PXDNL: variants seen among roughly 807,000 people sequenced by gnomAD.
The protein encoded by PXDNL is probable oxidoreductase PXDNL.
In PXDNL, 145 loss-of-function variants were observed where a neutral mutation model predicts 150.8. The ratio of observed to expected loss-of-function variants is 0.96; its 90% CI spans 0.84 to 1.10. The LOEUF is 1.10. Ranked by LOEUF, PXDNL falls within the 50% of genes least tolerant of loss-of-function variation. The probability of loss-of-function intolerance (pLI) is 0.00; values close to 1 mark genes in which losing one functional copy is unlikely to be tolerated. For synonymous variants in PXDNL, 757 were observed against 725.7 expected, an observed-to-expected ratio of 1.04 and a Z score of -0.69; for missense variants, 2,087 against 1,873.9, an observed-to-expected ratio of 1.11 and a Z score of -2.10.
At chr8:51,494,829 T>A (rs1811005995) in intron 5 of PXDNL, among the ~76,000 whole-genome samples, 2 of 151,768 alleles carry the variant, frequency 1.3e-5, no homozygotes, top group South Asian at 4.2e-4. Flanking sequence ...ACAATAATAA[T>A]GGGAGACTTT....
intron 21 of PXDNL, among the ~76,000 whole-genome samples, chr8:51,328,183 C>T (rs921588261): frequency 2.0e-5 from 3 of 152,236 alleles, no homozygotes; most frequent in Non-Finnish European, 4.4e-5. Context: ...ATCAGCTGTC[C>T]TGGGTCTTCA....
At chr8:51,427,386 A>G (rs989082993) in intron 12 of PXDNL, among the ~76,000 whole-genome samples, 2 of 152,126 alleles carry the variant, frequency 1.3e-5, no homozygotes, top group African/African-American at 2.4e-5. Flanking sequence ...AATACTTCCC[A>G]ACTCCTTTTG....
intron 1 of PXDNL, among the ~76,000 whole-genome samples, chr8:51,702,787 C>T (rs1816283544): frequency 6.6e-6 from 1 of 152,022 alleles, no homozygotes; most frequent in South Asian, 2.1e-4. Flanking sequence ...GGTCTAAGTA[C>T]ATCAATGGCC....
intron 1 of PXDNL, among the ~76,000 whole-genome samples, chr8:51,665,976 T>TTA (rs1227164738): frequency 1.3e-5 from 2 of 152,226 alleles, no homozygotes; most frequent in African/African-American, 2.4e-5. Flanking sequence ...TTTAGTGACT[T>TTA]ATTTAACATT....
intron 3 of PXDNL, among the ~76,000 whole-genome samples, chr8:51,563,661 CA>C (rs1261993486): frequency 8.6e-5 from 13 of 151,884 alleles, no homozygotes; most frequent in Non-Finnish European, 1.8e-4. Flanking sequence ...GAATGAGGTC[CA>C]AAATAATAAC....
intron 1 of PXDNL, among the ~76,000 whole-genome samples, chr8:51,713,203 T>C (rs1044611026): frequency 6.6e-6 from 1 of 152,254 alleles, no homozygotes; most frequent in Non-Finnish European, 1.5e-5. Flanking sequence ...AGGAAGTATT[T>C]ATAATATCAG....
At chr8:51,661,695 C>A (rs933746884) in intron 1 of PXDNL, among the ~76,000 whole-genome samples, 9 of 152,162 alleles carry the variant, frequency 5.9e-5, no homozygotes, top group Non-Finnish European at 1.2e-4. Context: ...ACACGCACAT[C>A]GCCTGCTCCC....
At chr8:51,745,364 A>C (rs957489164) in intron 1 of PXDNL, among the ~76,000 whole-genome samples, 2 of 152,246 alleles carry the variant, frequency 1.3e-5, no homozygotes, top group African/African-American at 4.8e-5. Context: ...TCAATCCAAC[A>C]AACAAATAAC....
chr8:51,384,348 GT>G (rs994010140), intron 17 of PXDNL, among the ~76,000 whole-genome samples: 3 of 150,834 alleles, frequency 2.0e-5, no homozygotes, highest in African/African-American at 7.4e-5. Context: ...TAATCTTATG[GT>G]TACCAGCACT....
At position 51,339,539 on chromosome 8, in the gene PXDNL, T is replaced by C. The variant is rs1805928783; in HGVS notation, c.4146+85A>G. 5 of 1,312,600 alleles carry C rather than the reference T, an allele frequency of 3.8e-6. No homozygotes were observed. In the Admixed American group the frequency reaches 8.4e-5, roughly 22 times the overall value. The allele number at this position is 1,312,600 out of a possible 1,614,324, so 81.3% of individuals were successfully genotyped here. ...TTATTATTCTGATACTGTGCTGTAA[T>C]TGTGGAGAGTTACTGGACAAATCTT... On this transcript the variant is annotated intron_variant, in intron 21 of 22. Coordinates refer to ENST00000356297, the MANE Select transcript of PXDNL (RefSeq NM_144651.5).
intron 7 of PXDNL, among the ~76,000 whole-genome samples, chr8:51,473,187 C>T (rs992336868): frequency 1.7e-4 from 26 of 151,248 alleles, no homozygotes; most frequent in Non-Finnish European, 2.5e-4. Context: ...CCAGACAAGG[C>T]GCTAGGACTA....
intron 1 of PXDNL, among the ~76,000 whole-genome samples, chr8:51,755,440 G>T (rs1447494501): frequency 1.3e-5 from 2 of 151,816 alleles, no homozygotes; most frequent in Non-Finnish European, 2.9e-5. Flanking sequence ...GATTACAGGC[G>T]CCCACCACCA....
At chr8:51,388,106 T>C (rs759085465) in intron 17 of PXDNL, among the ~76,000 whole-genome samples, 12 of 152,170 alleles carry the variant, frequency 7.9e-5, no homozygotes, top group Non-Finnish European at 1.5e-4. Context: ...TAATGTGCTC[T>C]TTAAAATTTG....
intron 1 of PXDNL, among the ~76,000 whole-genome samples, chr8:51,752,811 A>G (rs1307337110): frequency 1.3e-5 from 2 of 152,238 alleles, no homozygotes; most frequent in African/African-American, 2.4e-5. Flanking sequence ...TTGATGGCAG[A>G]TGGAAGTTAA....
intron 2 of PXDNL, among the ~76,000 whole-genome samples, chr8:51,642,508 C>T (rs923016121): frequency 6.6e-6 from 1 of 152,134 alleles, no homozygotes; most frequent in Non-Finnish European, 1.5e-5. Context: ...AGGCTAAAAA[C>T]TGTCAACAAA....
At chr8:51,631,823 T>C (rs1384546914) in intron 2 of PXDNL, among the ~76,000 whole-genome samples, 2 of 152,254 alleles carry the variant, frequency 1.3e-5, no homozygotes, top group South Asian at 2.1e-4. Context: ...CTATTGAAGC[T>C]AAGTTGATAT....
At chr8:51,713,001 C>G (rs1816531183) in intron 1 of PXDNL, among the ~76,000 whole-genome samples, 1 of 152,222 alleles carries the variant, frequency 6.6e-6, no homozygotes, top group South Asian at 2.1e-4. Flanking sequence ...AATTAAATCT[C>G]TAACGTGAGC....
Position 51,643,684 on chromosome 8 carries a change from T to C in PXDNL, c.236+11005A>G, listed in dbSNP as rs191095026. On this transcript the variant is annotated intron_variant, in intron 2 of 22. Transcript: ENST00000356297. The stretch of plus-strand genomic sequence containing the variant: ...AAAGCAATGGCAACAAAAGCCAAAA[T>C]TGACAAGTGGGATCTAATTAAACTC... Among the ~76,000 whole-genome samples, 386 of 152,214 alleles carry C rather than the reference T, an allele frequency of 2.5e-3. 1 individual carries two copies. Among genetic ancestry groups the C allele is most frequent in the African/African-American group, 9.1e-3 (376 of 41,520 alleles).
chr8:51,516,901 G>T (rs1318953878), intron 4 of PXDNL, among the ~76,000 whole-genome samples: 2 of 152,130 alleles, frequency 1.3e-5, no homozygotes, highest in Non-Finnish European at 2.9e-5. Context: ...AGAATTAGAA[G>T]CTAGCAAGCC....
Sources: gnomAD v4.1 joint callset for allele counts (sites outside exome capture counted in the v4.1 genomes callset) on GRCh38, gnomAD v4.1.1 for gene constraint, MANE v1.5 for transcripts, NCBI Gene and HGNC (gene_info 2026-07-23, HGNC 2026-07-21) for gene names.